SELENOO: variants seen among roughly 807,000 people sequenced by gnomAD.
SELENOO encodes protein adenylyltransferase SelO, mitochondrial.
In SELENOO, 74 loss-of-function variants were observed where a neutral mutation model predicts 58.7. The observed-to-expected ratio is 1.26, with a 90% CI of 1.04 to 1.53. The LOEUF (loss-of-function observed/expected upper bound fraction) is 1.53. Ranked by LOEUF, SELENOO falls within the 40% of genes most tolerant of loss-of-function variation. The pLI, the probability that SELENOO is intolerant of heterozygous loss-of-function variation, is 0.00. For missense variants in SELENOO, 1,149 were observed against 970.0 expected, an observed-to-expected ratio of 1.18 and a Z score of -2.45; for synonymous variants, 543 against 453.2, an observed-to-expected ratio of 1.20 and a Z score of -2.52.
intron 4 of SELENOO, 46 bp from the exon 5 acceptor site, chr22:50,210,585 G>A (rs759287066): frequency 1.9e-6 from 3 of 1,611,672 alleles, no homozygotes; most frequent in Admixed American, 1.7e-5. Context: ...CATCTCCCGG[G>A]AACTTCCTCT....
intron 6 of SELENOO, 76 bp downstream of exon 6, chr22:50,215,943 A>T: frequency 1.5e-6 from 2 of 1,374,958 alleles, no homozygotes; most frequent in Non-Finnish European, 2.0e-6. Flanking sequence ...GCTGGGGGAG[A>T]AGCTAGAGAC....
intron 4 of SELENOO, 45 bp downstream of exon 4, chr22:50,210,356 G>T: frequency 6.3e-7 from 1 of 1,596,900 alleles, no homozygotes; most frequent in South Asian, 1.1e-5. Context: ...CCAGGGCTGG[G>T]GGGTGCGGGC....
intron 5 of SELENOO, among the ~76,000 whole-genome samples, chr22:50,213,559 G>A (rs972105575): frequency 6.6e-6 from 1 of 152,082 alleles, no homozygotes; most frequent in Non-Finnish European, 1.5e-5. Context: ...CTCTTCTGCT[G>A]GGTGGAGGGT....
intron 1 of SELENOO, among the ~76,000 whole-genome samples, chr22:50,202,330 TC>T (rs2064308107): frequency 6.6e-6 from 1 of 152,034 alleles, no homozygotes; most frequent in South Asian, 2.1e-4. Flanking sequence ...TCCCTCAGCA[TC>T]CCTTCCCCGG....
chr22:50,217,437 G>A lies in SELENOO; in HGVS notation c.*68G>A, dbSNP rs2064430777. On this transcript the variant is annotated 3_prime_UTR_variant, in exon 9 of 9. Transcript: ENST00000380903. ...CCATGTGCTGCTGAGTGGCCAAGAT[G>A]ATGCCAGGCTGCCCTATACACTGGG... The A allele has an allele frequency of 5.8e-6, 9 of 1,562,478 alleles. No homozygotes were observed. Among genetic ancestry groups the A allele is most frequent in the Non-Finnish European group, 7.8e-6 (9 of 1,150,818 alleles).
chr22:50,213,884 G>A (rs1430384117), intron 5 of SELENOO, among the ~76,000 whole-genome samples: 2 of 152,006 alleles, frequency 1.3e-5, no homozygotes, highest in Non-Finnish European at 2.9e-5. Flanking sequence ...GCCTGACCTC[G>A]TGATCCACCT....
At chr22:50,211,428 T>C (rs1297413810) in intron 5 of SELENOO, among the ~76,000 whole-genome samples, 3 of 152,162 alleles carry the variant, frequency 2.0e-5, no homozygotes, top group African/African-American at 4.8e-5. Context: ...AGGACGTGTA[T>C]GTTGAACAGA....
At chr22:50,216,572 T>C in intron 6 of SELENOO, 119 bp from the exon 7 acceptor site, 1 of 940,826 alleles carries the variant, frequency 1.1e-6, no homozygotes, top group Admixed American at 2.4e-5. Flanking sequence ...GGGACCGGGC[T>C]GCTTGGGCCC....
chr22:50,213,676 C>T (rs1167246799), intron 5 of SELENOO, among the ~76,000 whole-genome samples: 1 of 152,104 alleles, frequency 6.6e-6, no homozygotes, highest in Non-Finnish European at 1.5e-5. Context: ...GAGACGGAGT[C>T]TTGCTCTGTC....
intron 2 of SELENOO, among the ~76,000 whole-genome samples, chr22:50,207,247 C>G (rs1254331300): frequency 6.6e-6 from 1 of 152,086 alleles, no homozygotes; most frequent in African/African-American, 2.4e-5. Context: ...CTCAGTCCCC[C>G]CAAATAGCTG....
chr22:50,216,375 G>T (rs933593736), intron 6 of SELENOO, among the ~76,000 whole-genome samples: 3 of 152,260 alleles, frequency 2.0e-5, no homozygotes, highest in Non-Finnish European at 4.4e-5. Context: ...TTCTGGAAAT[G>T]AGGGAAGTGC....
intron 3 of SELENOO, 162 bp downstream of exon 3, chr22:50,208,878 G>C (rs1015040332): frequency 1.5e-6 from 1 of 675,242 alleles, no homozygotes; most frequent in African/African-American, 1.8e-5. Context: ...ATGTGTGCTC[G>C]GGCCCTGGGA....
At chr22:50,212,890 G>A (rs367805494) in intron 5 of SELENOO, among the ~76,000 whole-genome samples, 1 of 151,910 alleles carries the variant, frequency 6.6e-6, no homozygotes, top group Non-Finnish European at 1.5e-5. Context: ...GTTACGCAGC[G>A]TGTGCCTGTT....
Position 50,217,452 on chromosome 22 carries a change from TA to T in SELENOO, c.*84del, listed in dbSNP as rs757631379. ...TGGCCAAGATGATGCCAGGCTGCCC[TA>T]TACACTGGGGGATTCTGCCCTGGCC... On this transcript the variant is annotated 3_prime_UTR_variant, in exon 9 of 9. Coordinates refer to ENST00000380903, the MANE Select transcript of SELENOO (RefSeq NM_031454.2). 7.3e-6 allele frequency: 11 copies of T among 1,505,528 alleles called. No homozygotes were observed. The South Asian group carries it at 1.3e-4, about 18-fold the overall frequency. 93.3% of individuals were successfully genotyped at this position (1,505,528 alleles called of 1,614,324 possible).
chr22:50,217,050 C>G lies in SELENOO; in HGVS notation c.1767C>G (p.Ala589=). ...CTGAGCACGTGCGCGTGATGCACGCCAACAACCCGAAGTACGTGCTGAGGA... is the reference window on the plus strand; with the variant it reads ...CTGAGCACGTGCGCGTGATGCACGCGAACAACCCGAAGTACGTGCTGAGGA... ...WQAEHVRVMH[A]NNPKYVLRNY... The change falls in exon 8 of 9, where the codon GCC becomes GCG. Residue 589 remains alanine (A), a synonymous_variant. Transcript: ENST00000380903. 8.1e-6 allele frequency: 13 copies of G among 1,612,608 alleles called. No individual in the cohort carries two copies. The highest frequency in any genetic ancestry group is 1.1e-5 in the Non-Finnish European group (13 of 1,179,944).
Position 50,208,579 on chromosome 22 carries a change from G to A in SELENOO, c.802G>A (p.Gly268Arg), listed in dbSNP as rs758701394. 6.2e-7 allele frequency: 1 copy of A among 1,613,930 alleles called. No homozygotes were observed. Among genetic ancestry groups the A allele is most frequent in the South Asian group, 1.1e-5 (1 of 91,058 alleles). The stretch of plus-strand genomic sequence containing the variant: ...TTTTAAGTCTGCAGATGAGCACACA[G>A]GGCGTGCAGGCCCCAGCGTGGGGAG... ...EIFKSADEHT[G>R]RAGPSVGRND... Residue 268 changes from glycine (G) to arginine (R), a missense_variant, in exon 3 of 9, where the codon GGG becomes AGG. Physicochemically the swap from Gly to Arg is moderately radical, Grantham distance 125. Coordinates refer to ENST00000380903, the MANE Select transcript of SELENOO (RefSeq NM_031454.2).
At chr22:50,208,178 T>G (rs2064344467) in intron 2 of SELENOO, among the ~76,000 whole-genome samples, 5 of 152,276 alleles carry the variant, frequency 3.3e-5, no homozygotes, top group Admixed American at 2.6e-4. Context: ...ACGCCTGTAA[T>G]CCCAGCACTT....
At chr22:50,216,901 G>C in intron 7 of SELENOO, 25 bp downstream of exon 7, 2 of 1,602,532 alleles carry the variant, frequency 1.2e-6, no homozygotes, top group Non-Finnish European at 1.7e-6. Flanking sequence ...CATGGTCACC[G>C]GGGGACGGCG....
intron 5 of SELENOO, among the ~76,000 whole-genome samples, chr22:50,214,429 G>C (rs144946039): frequency 2.6e-5 from 4 of 152,314 alleles, no homozygotes; most frequent in South Asian, 2.1e-4. Flanking sequence ...AGACCAGTTT[G>C]GCCAACATGG....
Sources: allele counts gnomAD v4.1 joint callset (sites outside exome capture counted in the v4.1 genomes callset), GRCh38; gene constraint gnomAD v4.1.1; transcripts MANE v1.5; gene names NCBI Gene and HGNC (gene_info 2026-07-23, HGNC 2026-07-21).